CDH5: variants seen among roughly 807,000 people sequenced by gnomAD.
CDH5 encodes the protein cadherin 5, also known as cadherin-5.
Under a neutral mutation model 62.0 loss-of-function variants are expected in CDH5, and 28 were observed. That is an observed-to-expected ratio of 0.45 (90% CI 0.33 to 0.62). CDH5 has a LOEUF of 0.62. Ranked by LOEUF, CDH5 falls within the 20% of genes least tolerant of loss-of-function variation. CDH5 has a pLI of 0.02. For missense variants in CDH5, 940 were observed against 1,065.1 expected (o/e 0.88, Z 1.63); for synonymous variants, 464 against 445.8 (o/e 1.04, Z -0.52).
Position 66,390,587 on chromosome 16 carries a change from G to A in CDH5, c.966G>A (p.Met322Ile). 6.2e-7 allele frequency: 1 copy of A among 1,614,038 alleles called. No homozygotes were observed. Among genetic ancestry groups the A allele is most frequent in the South Asian group, 1.1e-5 (1 of 91,060 alleles). The change falls in exon 6 of 12, where the codon ATG becomes ATA. Residue 322 changes from methionine to isoleucine, a missense_variant. Transcript: ENST00000341529. ...PAHNEGIIKP[M>I]KPLDYEYIQQ... ...ACAACGAGGGCATCATCAAGCCCATGAAGGTTTGTAGGCCAATGGCAACAA... is the reference window on the plus strand; with the variant it reads ...ACAACGAGGGCATCATCAAGCCCATAAAGGTTTGTAGGCCAATGGCAACAA...
chr16:66,389,211 G>T (rs1961038366), intron 4 of CDH5, 147 bp from the exon 5 acceptor site: 1 of 710,288 alleles, frequency 1.4e-6, no homozygotes, highest in Non-Finnish European at 2.3e-6. Context: ...TATGGAGGTA[G>T]TGGGTTGTAG....
At chr16:66,398,131 G>C (rs1961219279) in intron 9 of CDH5, 25 bp downstream of exon 9, 1 of 1,614,016 alleles carries the variant, frequency 6.2e-7, no homozygotes, top group Non-Finnish European at 8.5e-7. Flanking sequence ...GGTGGGAGGG[G>C]AAGGCAGCAC....
intron 7 of CDH5, among the ~76,000 whole-genome samples, chr16:66,394,311 A>G (rs544879531): frequency 1.3e-5 from 2 of 152,264 alleles, no homozygotes; most frequent in Non-Finnish European, 2.9e-5. Flanking sequence ...ATATACGCCT[A>G]ATGCAAATTT....
chr16:66,403,030 T>G lies in CDH5; in HGVS notation c.2216T>G (p.Ile739Arg), dbSNP rs530015550. 1 of 1,613,420 alleles carries G rather than the reference T, an allele frequency of 6.2e-7. No homozygotes were observed. Among genetic ancestry groups the G allele is most frequent in the East Asian group, 2.2e-5 (1 of 44,842 alleles). Residue 739 changes from isoleucine to arginine, a missense_variant, in exon 12 of 12, where the codon ATA becomes AGA. Ile to Arg is a moderately conservative substitution (Grantham distance 97, BLOSUM62 -3). Transcript: ENST00000341529. This position sits in a 1 kb window ranked among gnomAD's most constrained non-coding sequence, Gnocchi z 4.3. ...HIYGYEGSES[I>R]AESLSSLGTD... Reference sequence around the variant, plus strand: ...TACGGCTACGAGGGCTCCGAGTCCATAGCCGAGTCCCTCAGCTCCCTGGGC... The same window carrying G: ...TACGGCTACGAGGGCTCCGAGTCCAGAGCCGAGTCCCTCAGCTCCCTGGGC...
At chr16:66,383,030 A>T (rs888325615) in intron 2 of CDH5, among the ~76,000 whole-genome samples, 46 of 152,298 alleles carry the variant, frequency 3.0e-4, no homozygotes, top group Non-Finnish European at 4.6e-4. Context: ...CATGAGAGAA[A>T]CATCAGACAA....
intron 8 of CDH5, among the ~76,000 whole-genome samples, chr16:66,397,463 C>T (rs1961205973): frequency 6.6e-6 from 1 of 152,132 alleles, no homozygotes; most frequent in African/African-American, 2.4e-5. Flanking sequence ...CCCAAGCAAT[C>T]CTCCCTTCTA....
At chr16:66,392,496 AC>A (rs1166379285) in intron 7 of CDH5, 113 bp downstream of exon 7, 1 of 1,417,564 alleles carries the variant, frequency 7.1e-7, no homozygotes, top group Non-Finnish European at 9.6e-7. Context: ...CCTAGCACTT[AC>A]AGGGAAAGTG....
intron 1 of CDH5, chr16:66,376,408 C>T (rs1025735208): frequency 6.6e-6 from 1 of 152,180 alleles, no homozygotes; most frequent in Non-Finnish European, 1.5e-5. Context: ...GGATCACTAA[C>T]CCATCCCAAT....
At position 66,403,032 on chromosome 16, in the gene CDH5, G is replaced by T; in HGVS notation, c.2218G>T (p.Ala740Ser). The T allele has an allele frequency of 6.2e-7, 1 of 1,613,424 alleles. No homozygotes were observed. Among genetic ancestry groups the T allele is most frequent in the Non-Finnish European group, 8.5e-7 (1 of 1,179,774 alleles). Residue 740 changes from alanine (A) to serine (S), a missense_variant, in exon 12 of 12, where the codon GCC becomes TCC. Ala to Ser is a moderately conservative substitution (Grantham distance 99, BLOSUM62 1). Coordinates refer to ENST00000341529, the MANE Select transcript of CDH5 (RefSeq NM_001795.5). The surrounding 1 kb of genome is among the most constrained non-coding windows in gnomAD (Gnocchi z 4.3). ...CGGCTACGAGGGCTCCGAGTCCATA[G>T]CCGAGTCCCTCAGCTCCCTGGGCAC... The part of the protein sequence containing the change: ...IYGYEGSESI[A>S]ESLSSLGTDS...
intron 9 of CDH5, 37 bp from the exon 10 acceptor site, chr16:66,398,419 C>A: frequency 7.7e-7 from 1 of 1,301,826 alleles, no homozygotes; most frequent in Non-Finnish European, 1.1e-6. Flanking sequence ...ACCACCCCAC[C>A]ACCATCACTG....
In CDH5 at chr16:66,403,175, CG is replaced by C; in HGVS notation, c.*7del. 1 of 1,603,584 alleles carries C rather than the reference CG, an allele frequency of 6.2e-7. No individual in the cohort carries two copies. The highest frequency in any genetic ancestry group is 8.5e-7 in the Non-Finnish European group (1 of 1,176,118). On this transcript the variant is annotated 3_prime_UTR_variant, in exon 12 of 12. Coordinates refer to ENST00000341529, the MANE Select transcript of CDH5 (RefSeq NM_001795.5). The surrounding 1 kb of genome is among the most constrained non-coding windows in gnomAD (Gnocchi z 4.3). ...GGGAGGAGCTGCTGTATTAGGCGGC[CG>C]AGGTCACTCTGGGCCTGGGGACCCA...
chr16:66,395,958 G>T, intron 7 of CDH5, 101 bp from the exon 8 acceptor site: 1 of 1,198,568 alleles, frequency 8.3e-7, no homozygotes, highest in Non-Finnish European at 1.2e-6. Context: ...GCATGGAGTG[G>T]GATGCAGGGG....
intron 6 of CDH5, among the ~76,000 whole-genome samples, chr16:66,391,207 C>T (rs1961077718): frequency 6.6e-6 from 1 of 152,146 alleles, no homozygotes; most frequent in Admixed American, 6.5e-5. Flanking sequence ...TGAACCAGCC[C>T]CATGCTGGGG....
chr16:66,392,433 GT>G, intron 7 of CDH5, 50 bp downstream of exon 7: 1 of 1,606,120 alleles, frequency 6.2e-7, no homozygotes, highest in Middle Eastern at 1.9e-4. Context: ...CGGCCTGGAT[GT>G]TCCTATGCCT....
intron 6 of CDH5, 136 bp downstream of exon 6, chr16:66,390,726 G>A (rs1961069793): frequency 1.3e-6 from 1 of 764,104 alleles, no homozygotes; most frequent in Non-Finnish European, 2.1e-6. Flanking sequence ...TGTGTTCATG[G>A]AGACTGTGAT....
At chr16:66,376,110 T>TAATAAATA (rs147053264) in intron 1 of CDH5, among the ~76,000 whole-genome samples, 51 of 150,666 alleles carry the variant, frequency 3.4e-4, no homozygotes, top group African/African-American at 2.7e-4. Context: ...AAGGAAAAAA[T>TAATAAATA]AATAAATAAA....
intron 3 of CDH5, among the ~76,000 whole-genome samples, chr16:66,387,572 T>C (rs1442479003): frequency 6.6e-6 from 1 of 152,232 alleles, no homozygotes; most frequent in Non-Finnish European, 1.5e-5. Flanking sequence ...ACCCTAGTCA[T>C]AGACTGTGCC....
At chr16:66,392,075 T>C in intron 6 of CDH5, 61 bp from the exon 7 acceptor site, 1 of 1,599,910 alleles carries the variant, frequency 6.3e-7, no homozygotes, top group South Asian at 1.1e-5. Flanking sequence ...GCTGTGCAGA[T>C]CATGTGCCAC....
Position 66,402,845 on chromosome 16 carries a change from G to A in CDH5, c.2031G>A (p.Ala677=), listed in dbSNP as rs1260237876. 2.5e-6 allele frequency: 4 copies of A among 1,601,242 alleles called. No homozygotes were observed. Among genetic ancestry groups the A allele is most frequent in the Admixed American group, 1.7e-5 (1 of 58,084 alleles). The change falls in exon 12 of 12, where the codon GCG becomes GCA. Residue 677 remains alanine (A), a synonymous_variant. Transcript: ENST00000341529. ...RRGGAKPPRP[A]LDARPSLYAQ... is the part of the protein sequence containing the mutation. Reference sequence around the variant, plus strand: ...GCGGGGCCAAGCCCCCGCGGCCCGCGCTGGACGCCCGGCCTTCCCTCTATG... The same window carrying A: ...GCGGGGCCAAGCCCCCGCGGCCCGCACTGGACGCCCGGCCTTCCCTCTATG...
Sources: gnomAD v4.1 joint callset for allele counts (sites outside exome capture counted in the v4.1 genomes callset) on GRCh38, gnomAD v4.1.1 for gene constraint, Gnocchi (gnomAD v3.1) non-coding constraint, MANE v1.5 for transcripts, NCBI Gene and HGNC (gene_info 2026-07-23, HGNC 2026-07-21) for gene names.